SYT16: variants seen among roughly 807,000 people sequenced by gnomAD.
SYT16 encodes the protein synaptotagmin-16.
In SYT16, 42 loss-of-function variants were observed where a neutral mutation model predicts 61.4. The ratio of observed to expected loss-of-function variants is 0.68; its 90% confidence interval spans 0.53 to 0.89. SYT16 has a LOEUF of 0.89. Among genes scored for constraint, SYT16 ranks in the 40% least tolerant of loss-of-function variants. SYT16 has a pLI of 0.00. For missense variants in SYT16, 804 were observed against 807.3 expected (o/e 1.00, Z 0.05); for synonymous variants, 314 against 302.3 (o/e 1.04, Z -0.40).
intron 1 of SYT16, among the ~76,000 whole-genome samples, chr14:61,889,678 T>C (rs2048047564): frequency 6.6e-6 from 1 of 151,248 alleles, no homozygotes; most frequent in South Asian, 2.1e-4. Flanking sequence ...TCTCCACTCA[T>C]GTACCCTCTG....
chr14:61,875,785 A>G (rs2047469460), intron 1 of SYT16, among the ~76,000 whole-genome samples: 1 of 152,320 alleles, frequency 6.6e-6, no homozygotes, highest in Admixed American at 6.5e-5. Context: ...GGGCCTCTGT[A>G]TTCCTTATGG....
intron 2 of SYT16, among the ~76,000 whole-genome samples, chr14:61,972,997 A>G (rs866384429): frequency 1.3e-5 from 2 of 152,332 alleles, no homozygotes; most frequent in Non-Finnish European, 2.9e-5. Context: ...AAATGCGACC[A>G]TCCTACTCTT....
intron 1 of SYT16, chr14:61,865,085 C>G (rs1382247219): frequency 2.2e-6 from 3 of 1,359,082 alleles, no homozygotes; most frequent in Non-Finnish European, 2.1e-6. Flanking sequence ...CGGGAAATGG[C>G]CCACTGTGAC....
At chr14:61,997,555 T>A (rs533093662) in intron 3 of SYT16, among the ~76,000 whole-genome samples, 1 of 152,114 alleles carries the variant, frequency 6.6e-6, no homozygotes, top group Admixed American at 6.6e-5. Context: ...CTTCTCATAA[T>A]GCTCTCTTGA....
At chr14:61,820,728 C>T (rs1014891373) in intron 1 of SYT16, among the ~76,000 whole-genome samples, 1 of 151,950 alleles carries the variant, frequency 6.6e-6, no homozygotes, top group Non-Finnish European at 1.5e-5. Context: ...GTGATCAGCC[C>T]GCCTCAGTTT....
intron 1 of SYT16, among the ~76,000 whole-genome samples, chr14:61,931,836 G>T (rs2049785146): frequency 6.6e-6 from 1 of 152,060 alleles, no homozygotes; most frequent in Non-Finnish European, 1.5e-5. Context: ...GTGCCACGTT[G>T]GTGTGCTGCA....
intron 1 of SYT16, among the ~76,000 whole-genome samples, chr14:61,841,665 C>G (rs2046305269): frequency 1.3e-5 from 2 of 152,194 alleles, no homozygotes; most frequent in Non-Finnish European, 2.9e-5. Flanking sequence ...GTCCTTCCCT[C>G]TGTGGAGTCC....
chr14:61,975,024 A>T (rs2051726425), intron 2 of SYT16, among the ~76,000 whole-genome samples: 1 of 152,246 alleles, frequency 6.6e-6, no homozygotes, highest in East Asian at 1.9e-4. Flanking sequence ...TTGGGCCATA[A>T]TGACTGCTGT....
intron 2 of SYT16, among the ~76,000 whole-genome samples, chr14:61,987,098 A>G (rs907289926): frequency 1.1e-4 from 16 of 152,186 alleles, no homozygotes; most frequent in African/African-American, 3.9e-4. Context: ...GACATCATTT[A>G]GTGTGGATTA....
intron 3 of SYT16, among the ~76,000 whole-genome samples, chr14:62,025,158 A>G (rs2054053618): frequency 6.6e-6 from 1 of 152,148 alleles, no homozygotes; most frequent in African/African-American, 2.4e-5. Flanking sequence ...CAATTGTTGT[A>G]TCATATAGTG....
chr14:61,846,554 T>C (rs1287156621), intron 1 of SYT16, among the ~76,000 whole-genome samples: 1 of 152,222 alleles, frequency 6.6e-6, no homozygotes, highest in African/African-American at 2.4e-5. Flanking sequence ...TGCATCTTTA[T>C]AGATGAATAG....
At chr14:61,822,683 A>G (rs1445833202) in intron 1 of SYT16, among the ~76,000 whole-genome samples, 1 of 152,194 alleles carries the variant, frequency 6.6e-6, no homozygotes, top group African/African-American at 2.4e-5. Context: ...TGCTGTGGTG[A>G]GCTCTGAAGA....
At chr14:61,959,849 G>T (rs569601020) in intron 1 of SYT16, among the ~76,000 whole-genome samples, 2 of 152,068 alleles carry the variant, frequency 1.3e-5, no homozygotes, top group African/African-American at 4.8e-5. Context: ...GGGGCTCGGG[G>T]GACAGGGTTT....
intron 1 of SYT16, among the ~76,000 whole-genome samples, chr14:61,888,267 G>A (rs535199016): frequency 4.6e-5 from 7 of 151,880 alleles, no homozygotes; most frequent in East Asian, 3.9e-4. Flanking sequence ...ACAGGTGCAC[G>A]CCACCATGCC....
At chr14:62,078,149 CTCTCTCTA>C (rs2056569244) in intron 5 of SYT16, among the ~76,000 whole-genome samples, 1 of 113,020 alleles carries the variant, frequency 8.8e-6, no homozygotes, top group Non-Finnish European at 1.7e-5. Context: ...CTCTCTCTCT[CTCTCTCTA>C]TATATATATA....
intron 3 of SYT16, among the ~76,000 whole-genome samples, chr14:62,030,823 A>C (rs1275594729): frequency 6.6e-6 from 1 of 152,200 alleles, no homozygotes; most frequent in Non-Finnish European, 1.5e-5. Context: ...AGCTGCAAAG[A>C]AAGGAAATCA....
chr14:62,015,190 T>G (rs2053620868), intron 3 of SYT16, among the ~76,000 whole-genome samples: 1 of 152,204 alleles, frequency 6.6e-6, no homozygotes, highest in African/African-American at 2.4e-5. Context: ...TTTTTATGGA[T>G]GTACCCACTC....
At chr14:61,850,587 A>G (rs186095443) in intron 1 of SYT16, among the ~76,000 whole-genome samples, 1 of 152,244 alleles carries the variant, frequency 6.6e-6, no homozygotes, top group East Asian at 1.9e-4. Context: ...ATCTAACTTT[A>G]TTATGTCTAC....
intron 2 of SYT16, among the ~76,000 whole-genome samples, chr14:61,973,559 A>C (rs1016924910): frequency 4.6e-5 from 7 of 152,222 alleles, no homozygotes; most frequent in African/African-American, 1.4e-4. Flanking sequence ...TTGATTAAAA[A>C]TAAAAATTTC....
Sources: allele counts gnomAD v4.1 joint callset (sites outside exome capture counted in the v4.1 genomes callset), GRCh38; gene constraint gnomAD v4.1.1; transcripts MANE v1.5; gene names NCBI Gene and HGNC (gene_info 2026-07-23, HGNC 2026-07-21).